Variants in PTPRD observed in about 807,000 individuals in gnomAD.
PTPRD encodes the protein protein tyrosine phosphatase receptor type D.
PTPRD carries 34 observed loss-of-function variants against 214.5 expected under a neutral mutation model. The observed-to-expected ratio is 0.16, with a 90% CI of 0.12 to 0.21. The LOEUF (loss-of-function observed/expected upper bound fraction) is 0.21. Ranked by LOEUF, PTPRD falls within the 10% of genes least tolerant of loss-of-function variation. PTPRD has a pLI of 1.00. For missense variants in PTPRD, 2,545 were observed against 2,398.7 expected (o/e 1.06, Z -1.27); for synonymous variants, 1,128 against 845.7 (o/e 1.33, Z -5.79).
chr9:9,996,093 C>G (rs2096112758), intron 4 of PTPRD, among the ~76,000 whole-genome samples: 1 of 150,486 alleles, frequency 6.6e-6, no homozygotes, highest in Non-Finnish European at 1.5e-5. Flanking sequence ...AAATTCATGA[C>G]ACATGTATTA....
At chr9:10,081,019 CTTAA>C (rs1422612314) in intron 3 of PTPRD, among the ~76,000 whole-genome samples, 1 of 151,922 alleles carries the variant, frequency 6.6e-6, no homozygotes, top group East Asian at 1.9e-4. Context: ...TATAATATTT[CTTAA>C]TTTATAACAC....
At chr9:8,576,091 G>A (rs1045134301) in intron 14 of PTPRD, among the ~76,000 whole-genome samples, 5 of 152,194 alleles carry the variant, frequency 3.3e-5, no homozygotes, top group African/African-American at 1.2e-4. Flanking sequence ...TGCACAAACT[G>A]TTTATCTATC....
intron 2 of PTPRD, among the ~76,000 whole-genome samples, chr9:10,437,774 G>T (rs1255303495): frequency 6.7e-6 from 1 of 150,336 alleles, no homozygotes; most frequent in African/African-American, 2.5e-5. Context: ...TGTTTTATCA[G>T]ATATATATAT....
intron 35 of PTPRD, among the ~76,000 whole-genome samples, chr9:8,423,371 C>T (rs1032753011): frequency 6.6e-6 from 1 of 152,132 alleles, no homozygotes; most frequent in Non-Finnish European, 1.5e-5. Flanking sequence ...GTTTTGTATC[C>T]TCCTGCCATC....
At chr9:9,226,471 A>T (rs186488825) in intron 9 of PTPRD, among the ~76,000 whole-genome samples, 1 of 152,114 alleles carries the variant, frequency 6.6e-6, no homozygotes, top group African/African-American at 2.4e-5. Context: ...AACTCAGCCC[A>T]GGGAATTTAG....
At chr9:9,033,152 T>G (rs756256651) in intron 10 of PTPRD, among the ~76,000 whole-genome samples, 9 of 152,182 alleles carry the variant, frequency 5.9e-5, no homozygotes, top group African/African-American at 2.2e-4. Flanking sequence ...TTTGGCTCAC[T>G]GGGTATAGTC....
Position 8,407,949 on chromosome 9 carries a change from T to A in PTPRD, c.4087-3289A>T, listed in dbSNP as rs1462466359. ...TGAAAGTTGGTGAGGTATACTAAGATCTTTCATATTTCAAAAAATACATAA... is the reference window on the plus strand; with the variant it reads ...TGAAAGTTGGTGAGGTATACTAAGAACTTTCATATTTCAAAAAATACATAA... On this transcript the variant is annotated intron_variant, in intron 35 of 45. Coordinates refer to ENST00000381196, the MANE Select transcript of PTPRD (RefSeq NM_002839.4). Among the ~76,000 whole-genome samples, 5 of 152,316 alleles carry A rather than the reference T, an allele frequency of 3.3e-5. No individual in the cohort carries two copies. In the East Asian group the frequency reaches 7.7e-4, roughly 23 times the overall value.
At chr9:10,288,819 G>C (rs1535664) in intron 3 of PTPRD, among the ~76,000 whole-genome samples, 43,279 of 151,696 alleles carry the variant, frequency 0.29, 7,363 homozygotes, top group African/African-American at 0.46. Context: ...CTTTTTTTCT[G>C]CTTTTTGAAG....
intron 7 of PTPRD, among the ~76,000 whole-genome samples, chr9:9,643,013 A>T (rs1195785325): frequency 6.6e-6 from 1 of 152,222 alleles, no homozygotes; most frequent in Non-Finnish European, 1.5e-5. Context: ...TCTACATACA[A>T]GAATTATAGA....
At chr9:9,536,844 A>G (rs942227442) in intron 8 of PTPRD, among the ~76,000 whole-genome samples, 2 of 152,076 alleles carry the variant, frequency 1.3e-5, no homozygotes, top group African/African-American at 4.8e-5. Context: ...CTCGTTTTCA[A>G]TTAAAACTTT....
intron 11 of PTPRD, among the ~76,000 whole-genome samples, chr9:9,009,859 T>C (rs1567569007): frequency 6.6e-6 from 1 of 152,012 alleles, no homozygotes; most frequent in Non-Finnish European, 1.5e-5. Flanking sequence ...TCTTCATAAA[T>C]TCTCTCCAAA....
chr9:10,120,505 C>A (rs1245652564), intron 3 of PTPRD, among the ~76,000 whole-genome samples: 1 of 151,888 alleles, frequency 6.6e-6, no homozygotes, highest in South Asian at 2.1e-4. Flanking sequence ...AATTATTACA[C>A]CATTAAACTA....
chr9:10,506,529 C>T (rs1208546410), intron 2 of PTPRD, among the ~76,000 whole-genome samples: 3 of 151,788 alleles, frequency 2.0e-5, no homozygotes, highest in Admixed American at 6.6e-5. Context: ...TGATTGGTAC[C>T]CCACTTACCA....
chr9:10,403,227 AATATATATATATAT>A (rs58712564), intron 2 of PTPRD, among the ~76,000 whole-genome samples: 20 of 59,876 alleles, frequency 3.3e-4, no homozygotes, highest in South Asian at 1.4e-3. Context: ...TGTGTGTGTA[AATATATATATATAT>A]ATATATATAT....
At chr9:9,675,700 TAAAGA>T (rs1407024134) in intron 7 of PTPRD, among the ~76,000 whole-genome samples, 1 of 152,006 alleles carries the variant, frequency 6.6e-6, no homozygotes, top group African/African-American at 2.4e-5. Flanking sequence ...AAATGCACTG[TAAAGA>T]AAATAGGTCC....
At chr9:9,510,434 A>C (rs7862713) in intron 8 of PTPRD, among the ~76,000 whole-genome samples, 16 of 151,666 alleles carry the variant, frequency 1.1e-4, no homozygotes, top group African/African-American at 3.6e-4. Context: ...GATTTACGAA[A>C]CATAGATTTC....
intron 39 of PTPRD, among the ~76,000 whole-genome samples, chr9:8,346,226 A>G (rs1323760503): frequency 6.6e-6 from 1 of 151,840 alleles, no homozygotes; most frequent in African/African-American, 2.4e-5. Flanking sequence ...ATTATCTTCA[A>G]CTCCCCATCA....
chr9:8,449,593 T>TAATAGTAAAATAAAAGAGCAGGATGAA (rs2095858529), intron 34 of PTPRD, 132 bp downstream of exon 34: 1 of 836,828 alleles, frequency 1.2e-6, no homozygotes, highest in African/African-American at 1.7e-5. Context: ...CAAGTCTCCA[T>TAATAGTAAAATAAAAGAGCAGGATGAA]AATAGTAAAA....
intron 5 of PTPRD, among the ~76,000 whole-genome samples, chr9:9,845,019 T>C (rs1031966516): frequency 2.7e-5 from 4 of 146,566 alleles, no homozygotes; most frequent in Admixed American, 6.9e-5. Flanking sequence ...ATACTGTATG[T>C]ATATATATAC....
Sources: gnomAD v4.1 joint callset for allele counts (sites outside exome capture counted in the v4.1 genomes callset) on GRCh38, gnomAD v4.1.1 for gene constraint, MANE v1.5 for transcripts, NCBI Gene and HGNC (gene_info 2026-07-23, HGNC 2026-07-21) for gene names.